Variants in IBTK observed in about 807,000 individuals in gnomAD.
IBTK encodes the protein inhibitor of Bruton tyrosine kinase, also known as BTK-binding protein.
A neutral mutation model predicts 154.9 loss-of-function variants in IBTK; 83 were observed. The observed-to-expected ratio is 0.54, with a 90% CI of 0.45 to 0.64. IBTK has a LOEUF of 0.64. IBTK is among the 30% of genes least tolerant of loss of function. The pLI is 0.00. For missense variants in IBTK, 1,332 were observed against 1,584.6 expected, an observed-to-expected ratio of 0.84 and a Z score of 2.71; for synonymous variants, 515 against 536.1, an observed-to-expected ratio of 0.96 and a Z score of 0.54.
chr6:82,177,938 G>A (rs1358845711), intron 26 of IBTK, among the ~76,000 whole-genome samples: 1 of 152,088 alleles, frequency 6.6e-6, no homozygotes, highest in Non-Finnish European at 1.5e-5. Context: ...CACATTAAAG[G>A]CTGCACCTAT....
At chr6:82,238,462 G>C (rs1378910578) in intron 2 of IBTK, among the ~76,000 whole-genome samples, 1 of 151,442 alleles carries the variant, frequency 6.6e-6, no homozygotes, top group Admixed American at 6.6e-5. Flanking sequence ...TTTTGAGATG[G>C]AGTCGTCCTC....
chr6:82,177,756 G>T (rs1358220947), intron 26 of IBTK, among the ~76,000 whole-genome samples: 2 of 151,904 alleles, frequency 1.3e-5, no homozygotes, highest in Non-Finnish European at 2.9e-5. Flanking sequence ...CCCCATGTTG[G>T]CCAGGCTTGT....
chr6:82,233,123 C>T (rs1407134944), intron 3 of IBTK, among the ~76,000 whole-genome samples: 17 of 147,302 alleles, frequency 1.2e-4, no homozygotes, highest in Admixed American at 7.6e-4. Context: ...CGCCATTGCA[C>T]GCCAGCCTGG....
intron 9 of IBTK, among the ~76,000 whole-genome samples, chr6:82,219,935 C>A (rs796594207): frequency 6.6e-6 from 1 of 152,200 alleles, no homozygotes; most frequent in East Asian, 1.9e-4. Flanking sequence ...TGAGGCCAGG[C>A]GCAGTGGCTC....
At chr6:82,208,961 T>C (rs1769521784) in intron 16 of IBTK, among the ~76,000 whole-genome samples, 1 of 152,110 alleles carries the variant, frequency 6.6e-6, no homozygotes, top group African/African-American at 2.4e-5. Flanking sequence ...GATATACAAA[T>C]GACCAAAAAG....
intron 11 of IBTK, 64 bp from the exon 12 acceptor site, chr6:82,214,893 A>C: frequency 1.4e-6 from 2 of 1,473,790 alleles, no homozygotes; most frequent in South Asian, 3.0e-5. Flanking sequence ...TTTCATACCT[A>C]GCCAATTCTC....
At chr6:82,225,424 T>C (rs1030881325) in intron 6 of IBTK, 53 bp downstream of exon 6, 4 of 1,445,864 alleles carry the variant, frequency 2.8e-6, no homozygotes, top group Admixed American at 2.1e-5. Flanking sequence ...TTTTTGTTCA[T>C]ACAGGTTTTA....
At chr6:82,244,473 G>GCT (rs1771069940) in intron 1 of IBTK, among the ~76,000 whole-genome samples, 1 of 152,106 alleles carries the variant, frequency 6.6e-6, no homozygotes, top group Non-Finnish European at 1.5e-5. Flanking sequence ...TTAAGCATGG[G>GCT]CTCTCTCTCT....
intron 16 of IBTK, among the ~76,000 whole-genome samples, chr6:82,209,702 TAA>T (rs1309547938): frequency 5.9e-5 from 9 of 152,206 alleles, no homozygotes; most frequent in Middle Eastern, 3.2e-3. Flanking sequence ...TTTAAAAGTA[TAA>T]GTTTTATCAT....
chr6:82,213,203 ATTTTTTGTAG>A (rs1769719859), intron 12 of IBTK, among the ~76,000 whole-genome samples: 1 of 151,870 alleles, frequency 6.6e-6, no homozygotes, highest in African/African-American at 2.4e-5. Context: ...AATTTTTGTA[ATTTTTTGTAG>A]AGACAGGGTT....
At chr6:82,183,081 AT>A (rs1267788714) in intron 25 of IBTK, among the ~76,000 whole-genome samples, 2 of 152,230 alleles carry the variant, frequency 1.3e-5, no homozygotes, top group Non-Finnish European at 2.9e-5. Flanking sequence ...TAAATAACTA[AT>A]ACAAGATATT....
chr6:82,244,504 A>T (rs1426623718), intron 1 of IBTK, among the ~76,000 whole-genome samples: 1 of 152,208 alleles, frequency 6.6e-6, no homozygotes, highest in Non-Finnish European at 1.5e-5. Flanking sequence ...TTCCTAGGGC[A>T]TTATCGCTTC....
At chr6:82,206,900 C>G (rs1451703471) in intron 16 of IBTK, among the ~76,000 whole-genome samples, 1 of 152,036 alleles carries the variant, frequency 6.6e-6, no homozygotes, top group African/African-American at 2.4e-5. Flanking sequence ...ATGATAAAAA[C>G]ACTCAATAAA....
chr6:82,225,261 G>A (rs191802), intron 6 of IBTK, among the ~76,000 whole-genome samples: 1 of 152,066 alleles, frequency 6.6e-6, no homozygotes, highest in African/African-American at 2.4e-5. Context: ...AGTCAGCTGA[G>A]ATCGCACCAC....
chr6:82,170,142 A>G lies in IBTK; in HGVS notation c.*1283T>C, dbSNP rs906858720. 1 of 152,336 alleles carries G rather than the reference A, an allele frequency of 6.6e-6. No homozygotes were observed. The highest frequency in any genetic ancestry group is 1.5e-5 in the Non-Finnish European group (1 of 68,038). 9.4% of individuals were successfully genotyped at this position (152,336 alleles called of 1,614,324 possible). On this transcript the variant is annotated 3_prime_UTR_variant, in exon 29 of 29. Transcript: ENST00000306270. ...GAATAAATACAGCATCAACTTAACCATATACTGGCCACTAGTGTAGCACAT... is the reference window on the plus strand; with the variant it reads ...GAATAAATACAGCATCAACTTAACCGTATACTGGCCACTAGTGTAGCACAT...
chr6:82,205,427 T>C (rs1039801714), intron 16 of IBTK: 2 of 152,318 alleles, frequency 1.3e-5, no homozygotes, highest in Non-Finnish European at 2.9e-5. Flanking sequence ...ACAAAATTTG[T>C]CATCTAAGAG....
intron 3 of IBTK, among the ~76,000 whole-genome samples, chr6:82,233,909 T>A (rs759319584): frequency 1.3e-5 from 2 of 152,050 alleles, no homozygotes; most frequent in Non-Finnish European, 2.9e-5. Context: ...AACTTTTGTA[T>A]TTTTAGTAGA....
At chr6:82,241,120 A>G (rs1454011956) in intron 1 of IBTK, among the ~76,000 whole-genome samples, 3 of 151,926 alleles carry the variant, frequency 2.0e-5, no homozygotes, top group Non-Finnish European at 4.4e-5. Context: ...TATTTATGGT[A>G]CCTATATTTT....
At chr6:82,182,411 A>G (rs1209747156) in intron 25 of IBTK, among the ~76,000 whole-genome samples, 1 of 152,022 alleles carries the variant, frequency 6.6e-6, no homozygotes, top group Non-Finnish European at 1.5e-5. Context: ...TTCACTGTAT[A>G]GATGGAAGAG....
Sources: allele counts gnomAD v4.1 joint callset (sites outside exome capture counted in the v4.1 genomes callset), GRCh38; gene constraint gnomAD v4.1.1; transcripts MANE v1.5; gene names NCBI Gene and HGNC (gene_info 2026-07-23, HGNC 2026-07-21).